The following EML6 variants were observed in gnomAD, a reference collection of about 807,000 sequenced individuals.
The protein encoded by EML6 is EMAP like 6.
A neutral mutation model predicts 240.1 loss-of-function variants in EML6; 154 were observed. The observed-to-expected ratio is 0.64, with a 90% confidence interval of 0.56 to 0.73. EML6 has a LOEUF of 0.73. Among genes scored for constraint, EML6 ranks in the 30% least tolerant of loss-of-function variants. The pLI is 0.00. For missense variants in EML6, 2,964 were observed against 2,474.6 expected (o/e 1.20, Z -4.20); for synonymous variants, 1,148 against 899.0 (o/e 1.28, Z -4.95).
intron 28 of EML6, among the ~76,000 whole-genome samples, chr2:54,936,142 G>C (rs939371249): frequency 6.6e-6 from 1 of 152,200 alleles, no homozygotes; most frequent in Non-Finnish European, 1.5e-5. Context: ...GAAATATTTA[G>C]TGCCAATGTC....
At position 54,894,704 on chromosome 2, in the gene EML6, G is replaced by T. The variant is rs1213009094; in HGVS notation, c.2743-211G>T. Among the ~76,000 whole-genome samples, 5 of 152,154 alleles carry T rather than the reference G, an allele frequency of 3.3e-5. 1 individual carries two copies. The highest frequency in any genetic ancestry group is 3.3e-4 in the Admixed American group (5 of 15,266). ...GAGGAGAGTGCAGTGGACACATGCT[G>T]AGAACGTGCTTAATCTTGCTTAGGG... On this transcript the variant is annotated intron_variant, in intron 19 of 41. Transcript: ENST00000356458.
At position 54,837,374 on chromosome 2, in the gene EML6, C is replaced by T. The variant is rs111568177; in HGVS notation, c.848-6673C>T. Among the ~76,000 whole-genome samples the T allele has an allele frequency of 1.3e-3, 203 of 152,282 alleles. 2 individuals carry two copies. Among genetic ancestry groups the T allele is most frequent in the African/African-American group, 4.6e-3 (193 of 41,550 alleles). ...ACTTTCTATGCTGTTATTTCCTCAT[C>T]GGTTCAGCACGTATTTACTAGCCCC... is the stretch of plus-strand genomic sequence containing the variant. On this transcript the variant is annotated intron_variant, in intron 7 of 41. Transcript: ENST00000356458.
chr2:54,885,839 C>T (rs959511972), intron 17 of EML6, among the ~76,000 whole-genome samples: 3 of 152,016 alleles, frequency 2.0e-5, no homozygotes, highest in Non-Finnish European at 4.4e-5. Context: ...TCTCGATCTC[C>T]TGACCTCGTG....
At chr2:54,760,727 ATCACTGCTTTTG>A (rs550989624) in intron 2 of EML6, among the ~76,000 whole-genome samples, 21 of 152,100 alleles carry the variant, frequency 1.4e-4, no homozygotes, top group Non-Finnish European at 2.2e-4. Context: ...TTGACAGAGA[ATCACTGCTTTTG>A]TCCTGGAATT....
chr2:54,742,087 A>G (rs1233955789), intron 2 of EML6, among the ~76,000 whole-genome samples: 1 of 152,242 alleles, frequency 6.6e-6, no homozygotes, highest in Non-Finnish European at 1.5e-5. Flanking sequence ...AAAGAAAAAA[A>G]GATTCCTCAA....
At chr2:54,876,830 T>C (rs1339875541) in intron 16 of EML6, among the ~76,000 whole-genome samples, 1 of 152,188 alleles carries the variant, frequency 6.6e-6, no homozygotes, top group Non-Finnish European at 1.5e-5. Flanking sequence ...TTATCATTTC[T>C]TTGTGGTGAT....
intron 2 of EML6, among the ~76,000 whole-genome samples, chr2:54,761,616 T>C (rs972848772): frequency 6.6e-6 from 1 of 152,184 alleles, no homozygotes; most frequent in South Asian, 2.1e-4. Flanking sequence ...AATCATAAAC[T>C]CTGTGGATAT....
At chr2:54,910,167 A>G (rs1411436405) in intron 24 of EML6, among the ~76,000 whole-genome samples, 1 of 152,224 alleles carries the variant, frequency 6.6e-6, no homozygotes, top group Non-Finnish European at 1.5e-5. Context: ...GACAGTGGGC[A>G]TACAGGGGTT....
chr2:54,816,542 T>C (rs1486399495), intron 3 of EML6, among the ~76,000 whole-genome samples: 1 of 152,332 alleles, frequency 6.6e-6, no homozygotes, highest in Non-Finnish European at 1.5e-5. Flanking sequence ...AGTTTATATG[T>C]ATGTTTCTTA....
chr2:54,882,519 A>G (rs545420261), intron 17 of EML6: 2 of 152,210 alleles, frequency 1.3e-5, no homozygotes, highest in Admixed American at 6.5e-5. Context: ...AGAATTATCA[A>G]CAAGAACACT....
Position 54,898,088 on chromosome 2 carries a change from G to A in EML6, c.2983-1553G>A, listed in dbSNP as rs147155280. Among the ~76,000 whole-genome samples the A allele has an allele frequency of 4.9e-3, 745 of 152,108 alleles. 6 individuals carry two copies. Among genetic ancestry groups the A allele is most frequent in the Admixed American group, 6.7e-3 (102 of 15,272 alleles). ...GGAGAATGGCAGGTGATGGGTTGTGGCATTTCCCGTCATGTGTGCTTTGAA... is the reference window on the plus strand; with the variant it reads ...GGAGAATGGCAGGTGATGGGTTGTGACATTTCCCGTCATGTGTGCTTTGAA... On this transcript the variant is annotated intron_variant, in intron 21 of 41. Transcript: ENST00000356458.
In EML6 at chr2:54,928,720, C is replaced by T; in HGVS notation, c.3973C>T (p.Gln1325Ter). The part of the protein sequence containing the change: ...IREMEGTKPH[Q>*]QLKEVSVEER... Reference sequence around the variant, plus strand: ...GGAAATGGAAGGCACCAAGCCACACCAGCAGCTGAAGGAAGTTTCCGTGGA... The same window carrying T: ...GGAAATGGAAGGCACCAAGCCACACTAGCAGCTGAAGGAAGTTTCCGTGGA... The change falls in exon 28 of 42, where the codon CAG becomes TAG. Residue 1325 changes from glutamine (Q) to a stop codon, truncating the protein, a stop_gained. Coordinates refer to ENST00000356458, the MANE Select transcript of EML6 (RefSeq NM_001039753.4). LOFTEE classifies it high-confidence loss of function. 1 of 1,551,828 alleles carries T rather than the reference C, an allele frequency of 6.4e-7. No individual in the cohort carries two copies. The highest frequency in any genetic ancestry group is 8.7e-7 in the Non-Finnish European group (1 of 1,147,036).
chr2:54,909,422 C>G (rs1462929352), intron 24 of EML6, among the ~76,000 whole-genome samples: 1 of 152,132 alleles, frequency 6.6e-6, no homozygotes, highest in Non-Finnish European at 1.5e-5. Context: ...TATATTTGCT[C>G]AAGTCAAGGA....
At position 54,827,555 on chromosome 2, in the gene EML6, T is replaced by G; in HGVS notation, c.526-11T>G. 1 of 1,549,332 alleles carries G rather than the reference T, an allele frequency of 6.5e-7. No individual in the cohort carries two copies. The highest frequency in any genetic ancestry group is 1.2e-5 in the South Asian group (1 of 83,982). ...CTATCTTGGAGATCTATTTTATCAC[T>G]TACATTGTAGTTTTGGACACTGTGT... On this transcript the variant is annotated splice_polypyrimidine_tract_variant and intron_variant, in intron 5 of 41. Transcript: ENST00000356458.
At chr2:54,863,689 C>G (rs1297901856) in intron 12 of EML6, 94 bp from the exon 13 acceptor site, 2 of 687,266 alleles carry the variant, frequency 2.9e-6, no homozygotes, top group Non-Finnish European at 5.1e-6. Flanking sequence ...TTTTTATTTA[C>G]TTTGCTAGGA....
At chr2:54,803,806 CCT>C (rs1341217864) in intron 2 of EML6, among the ~76,000 whole-genome samples, 2 of 152,172 alleles carry the variant, frequency 1.3e-5, no homozygotes, top group African/African-American at 4.8e-5. Flanking sequence ...AAATTCTCCT[CCT>C]CTTAGAGTGT....
At chr2:54,772,014 T>G (rs986846347) in intron 2 of EML6, among the ~76,000 whole-genome samples, 2 of 152,218 alleles carry the variant, frequency 1.3e-5, no homozygotes, top group Admixed American at 6.5e-5. Context: ...TGAAATGTAC[T>G]GGCACTAAAT....
At chr2:54,919,890 C>T (rs1674130619) in intron 26 of EML6, among the ~76,000 whole-genome samples, 1 of 152,216 alleles carries the variant, frequency 6.6e-6, no homozygotes, top group African/African-American at 2.4e-5. Flanking sequence ...AATCCCGTTC[C>T]TGTTTCAACA....
At chr2:54,778,484 C>A (rs1231507135) in intron 2 of EML6, among the ~76,000 whole-genome samples, 1 of 152,132 alleles carries the variant, frequency 6.6e-6, no homozygotes, top group Non-Finnish European at 1.5e-5. Context: ...ATGAGGATTA[C>A]CATCATGGCC....
Sources: gnomAD v4.1 joint callset for allele counts (sites outside exome capture counted in the v4.1 genomes callset) on GRCh38, gnomAD v4.1.1 for gene constraint, MANE v1.5 for transcripts, NCBI Gene and HGNC (gene_info 2026-07-23, HGNC 2026-07-21) for gene names.